The following IMMP2L variants were observed in gnomAD, a reference collection of about 807,000 sequenced individuals.
IMMP2L encodes inner mitochondrial membrane peptidase subunit 2, also known as mitochondrial inner membrane protease subunit 2.
A neutral mutation model predicts 19.3 loss-of-function variants in IMMP2L; 18 were observed. The ratio of observed to expected loss-of-function variants is 0.93; its 90% CI spans 0.64 to 1.38. IMMP2L has a LOEUF of 1.38. Ranked by LOEUF, IMMP2L falls within the 40% of genes most tolerant of loss-of-function variation. IMMP2L has a pLI of 0.00. For synonymous variants in IMMP2L, 76 were observed against 73.0 expected (o/e 1.04, Z -0.21); for missense variants, 233 against 218.2 (o/e 1.07, Z -0.43).
At chr7:111,104,002 G>A (rs1474039476) in intron 3 of IMMP2L, among the ~76,000 whole-genome samples, 2 of 151,664 alleles carry the variant, frequency 1.3e-5, no homozygotes, top group Admixed American at 6.6e-5. Flanking sequence ...AACAAAATGG[G>A]AACACTGAAA....
At position 110,714,023 on chromosome 7, in the gene IMMP2L, C is replaced by T. The variant is rs185220776; in HGVS notation, c.409-50302G>A. ...TTGTTCCATTTCTCAAGGGGAATGC[C>T]TCCTGTTTTTACTCATTCAGTATGA... On this transcript the variant is annotated intron_variant, in intron 5 of 5. Transcript: ENST00000405709. Among the ~76,000 whole-genome samples, 12 of 152,204 alleles carry T rather than the reference C, an allele frequency of 7.9e-5. No individual in the cohort carries two copies. The East Asian group carries it at 2.1e-3, about 27-fold the overall frequency.
At position 110,969,518 on chromosome 7, in the gene IMMP2L, G is replaced by A. The variant is rs558958022; in HGVS notation, c.240-5953C>T. ...TATCCCCGAGAATGCTCCCAACCAA[G>A]AGCCTCATTACTGGCAAAATGACGT... On this transcript the variant is annotated intron_variant, in intron 3 of 5. Coordinates refer to ENST00000405709, the MANE Select transcript of IMMP2L (RefSeq NM_032549.4). 2.0e-5 allele frequency among the ~76,000 whole-genome samples: 3 copies of A among 151,798 alleles called. 1 individual carries two copies. The highest frequency in any genetic ancestry group is 3.9e-4 in the East Asian group (2 of 5,150).
chr7:111,342,835 C>T (rs1426255032), intron 3 of IMMP2L, among the ~76,000 whole-genome samples: 2 of 151,910 alleles, frequency 1.3e-5, no homozygotes, highest in African/African-American at 2.4e-5. Flanking sequence ...CAAAGATACA[C>T]GAATCTCTAA....
chr7:111,279,137 T>C (rs544597673), intron 3 of IMMP2L, among the ~76,000 whole-genome samples: 1 of 152,310 alleles, frequency 6.6e-6, no homozygotes, highest in South Asian at 2.1e-4. Context: ...ACAAATCTTA[T>C]ACAGCAGAGG....
intron 1 of IMMP2L, among the ~76,000 whole-genome samples, chr7:111,522,198 T>C (rs1180022799): frequency 1.3e-5 from 2 of 152,062 alleles, no homozygotes; most frequent in Non-Finnish European, 2.9e-5. Context: ...GGTGTTGTTG[T>C]TGTCGTTGTT....
chr7:111,525,714 C>T (rs1262186696), intron 1 of IMMP2L, among the ~76,000 whole-genome samples: 1 of 152,108 alleles, frequency 6.6e-6, no homozygotes, highest in Non-Finnish European at 1.5e-5. Context: ...CCTGTCAAAG[C>T]ACTGCTATTC....
At chr7:110,817,443 C>T (rs1289289636) in intron 5 of IMMP2L, among the ~76,000 whole-genome samples, 2 of 152,046 alleles carry the variant, frequency 1.3e-5, no homozygotes, top group Non-Finnish European at 2.9e-5. Context: ...CTACAAACCA[C>T]TGCTCAATGA....
In IMMP2L at chr7:111,143,170, C is replaced by A. The variant is rs117720278; in HGVS notation, c.240-179605G>T. Among the ~76,000 whole-genome samples, 73 of 152,058 alleles carry A rather than the reference C, an allele frequency of 4.8e-4. 1 individual carries two copies. The East Asian group carries it at 0.012, about 25-fold the overall frequency. On this transcript the variant is annotated intron_variant, in intron 3 of 5. Transcript: ENST00000405709. Reference sequence around the variant, plus strand: ...CTTTGGAAACTGCCATTTTATTACACAATGAGAAGAAAACAAAAGCATGGA... The same window carrying A: ...CTTTGGAAACTGCCATTTTATTACAAAATGAGAAGAAAACAAAAGCATGGA...
At chr7:111,379,606 G>A (rs1439313340) in intron 3 of IMMP2L, among the ~76,000 whole-genome samples, 2 of 151,618 alleles carry the variant, frequency 1.3e-5, no homozygotes, top group African/African-American at 4.8e-5. Flanking sequence ...AAGTCAAATA[G>A]AAACACCATT....
intron 3 of IMMP2L, among the ~76,000 whole-genome samples, chr7:111,021,324 T>G (rs1398017039): frequency 6.6e-6 from 1 of 152,252 alleles, no homozygotes; most frequent in African/African-American, 2.4e-5. Context: ...CAGAAAATCC[T>G]ATCTGAAAGC....
At chr7:111,425,537 G>A (rs1835990957) in intron 3 of IMMP2L, among the ~76,000 whole-genome samples, 1 of 150,964 alleles carries the variant, frequency 6.6e-6, no homozygotes, top group Admixed American at 6.6e-5. Context: ...ATGGACTGAT[G>A]GATGAATAGA....
chr7:111,107,851 T>C (rs560886880), intron 3 of IMMP2L, among the ~76,000 whole-genome samples: 14 of 152,282 alleles, frequency 9.2e-5, no homozygotes, highest in African/African-American at 3.1e-4. Context: ...GATAATATTA[T>C]AGACTCTAGC....
chr7:111,172,401 A>G (rs1445647747), intron 3 of IMMP2L, among the ~76,000 whole-genome samples: 1 of 151,474 alleles, frequency 6.6e-6, no homozygotes, highest in African/African-American at 2.4e-5. Context: ...ATGGAGTACA[A>G]TGTTACATTT....
intron 3 of IMMP2L, among the ~76,000 whole-genome samples, chr7:111,119,795 C>T (rs561780250): frequency 6.6e-6 from 1 of 151,850 alleles, no homozygotes; most frequent in South Asian, 2.1e-4. Flanking sequence ...AGGCCTCACG[C>T]TCTCAAGGAG....
In IMMP2L at chr7:111,166,864, T is replaced by G. The variant is rs576400806; in HGVS notation, c.240-203299A>C. Among the ~76,000 whole-genome samples, 9 of 152,116 alleles carry G rather than the reference T, an allele frequency of 5.9e-5. No homozygotes were observed. The East Asian group carries it at 1.7e-3, about 29-fold the overall frequency. On this transcript the variant is annotated intron_variant, in intron 3 of 5. Transcript: ENST00000405709. ...TCTGTGTGTCTCTTCTGTGTCTCCT[T>G]CATAAAGATACCTGTCATTTGATTT...
intron 3 of IMMP2L, among the ~76,000 whole-genome samples, chr7:111,364,723 C>T (rs978344068): frequency 1.3e-5 from 2 of 151,680 alleles, no homozygotes; most frequent in African/African-American, 4.8e-5. Context: ...GTAATCCCAG[C>T]ACTTTGGGAC....
At chr7:111,397,098 AG>A (rs1191768621) in intron 3 of IMMP2L, among the ~76,000 whole-genome samples, 1 of 151,950 alleles carries the variant, frequency 6.6e-6, no homozygotes, top group African/African-American at 2.4e-5. Flanking sequence ...AAAAAAAAAA[AG>A]AAAACATTTT....
chr7:111,348,687 T>C lies in IMMP2L; in HGVS notation c.239+138551A>G, dbSNP rs1284992551. 8.5e-5 allele frequency among the ~76,000 whole-genome samples: 13 copies of C among 152,278 alleles called. No homozygotes were observed. The South Asian group carries it at 2.5e-3, about 29-fold the overall frequency. Reference sequence around the variant, plus strand: ...ACTCCCAATGGTATTATTAGTATCATTTATAGAACTAGACTTGTGTGATAG... The same window carrying C: ...ACTCCCAATGGTATTATTAGTATCACTTATAGAACTAGACTTGTGTGATAG... On this transcript the variant is annotated intron_variant, in intron 3 of 5. Coordinates refer to ENST00000405709, the MANE Select transcript of IMMP2L (RefSeq NM_032549.4).
At chr7:111,281,070 A>G (rs2130605746) in intron 3 of IMMP2L, among the ~76,000 whole-genome samples, 1 of 108,078 alleles carries the variant, frequency 9.3e-6, no homozygotes, top group Middle Eastern at 5.2e-3. Context: ...ACTCTGAGAA[A>G]AGAAAGAAAG....
Sources: gnomAD v4.1 joint callset for allele counts (sites outside exome capture counted in the v4.1 genomes callset) on GRCh38, gnomAD v4.1.1 for gene constraint, MANE v1.5 for transcripts, NCBI Gene and HGNC (gene_info 2026-07-23, HGNC 2026-07-21) for gene names.